Variants in UBE4B observed in about 807,000 individuals in gnomAD.
The protein encoded by UBE4B is ubiquitin conjugation factor E4 B.
UBE4B carries 27 observed loss-of-function variants against 148.1 expected under a neutral mutation model. That is an observed-to-expected ratio of 0.18 (90% CI 0.13 to 0.25). UBE4B has a LOEUF of 0.25. Among genes scored for constraint, UBE4B ranks in the 10% least tolerant of loss-of-function variants. UBE4B has a pLI of 1.00. For synonymous variants in UBE4B, 596 were observed against 619.3 expected (o/e 0.96, Z 0.56); for missense variants, 1,170 against 1,662.4 (o/e 0.70, Z 5.15).
intron 7 of UBE4B, among the ~76,000 whole-genome samples, chr1:10,110,304 A>C (rs1354278496): frequency 6.6e-6 from 1 of 152,212 alleles, no homozygotes; most frequent in African/African-American, 2.4e-5. Context: ...TTCCTTCTGT[A>C]ATGTTTTGCA....
In UBE4B at chr1:10,134,995, A is replaced by G. The variant is rs199753032; in HGVS notation, c.2033A>G (p.Asp678Gly). The G allele has an allele frequency of 6.2e-7, 1 of 1,613,996 alleles. No homozygotes were observed. Among genetic ancestry groups the G allele is most frequent in the Non-Finnish European group, 8.5e-7 (1 of 1,179,920 alleles). ...TCTTTTCAACTTTCACAGACAGATG[A>G]TAGATTGGTGTCTACAGATGGATTT... ...NMKKAQMQTD[D>G]RLVSTDGFML... The change falls in exon 16 of 28, where the codon GAT becomes GGT. Residue 678 changes from aspartate (D) to glycine (G), a missense_variant. Physicochemically the swap from Asp to Gly is moderately conservative, Grantham distance 94. This residue lies in a region of UBE4B where 388 missense variants were observed against 536.0 expected (regional missense o/e 0.72). Coordinates refer to ENST00000343090, the MANE Select transcript of UBE4B (RefSeq NM_001105562.3).
intron 2 of UBE4B, among the ~76,000 whole-genome samples, chr1:10,084,494 C>T (rs1471999900): frequency 3.3e-5 from 5 of 152,000 alleles, no homozygotes. Context: ...CCACACAAAC[C>T]ACTCTTAGTT....
At position 10,168,401 on chromosome 1, in the gene UBE4B, C is replaced by G; in HGVS notation, c.3333+131C>G. On this transcript the variant is annotated intron_variant, in intron 24 of 27. Coordinates refer to ENST00000343090, the MANE Select transcript of UBE4B (RefSeq NM_001105562.3). This position sits in a 1 kb window ranked among gnomAD's most constrained non-coding sequence, Gnocchi z 4.9. ...GTCATCAATAAGTGAAATTCTGTGA[C>G]TGATTTTGTTCCCAGTTATGCTAAT... The G allele has an allele frequency of 7.2e-7, 1 of 1,383,984 alleles. No individual in the cohort carries two copies. Among genetic ancestry groups the G allele is most frequent in the African/African-American group, 1.5e-5 (1 of 68,892 alleles). The allele number at this position is 1,383,984 out of a possible 1,614,324, so 85.7% of individuals were successfully genotyped here.
intron 6 of UBE4B, 149 bp downstream of exon 6, chr1:10,105,893 T>A: frequency 1.0e-6 from 1 of 954,930 alleles, no homozygotes; most frequent in Non-Finnish European, 1.5e-6. Context: ...TCATTGGAAG[T>A]GGAATTCTCT....
At chr1:10,090,063 C>T (rs1644820734) in intron 2 of UBE4B, among the ~76,000 whole-genome samples, 1 of 151,230 alleles carries the variant, frequency 6.6e-6, no homozygotes, top group Non-Finnish European at 1.5e-5. Context: ...AAGGACTGTT[C>T]AGCAGTCTGG....
At chr1:10,171,881 A>T (rs1213540852) in intron 25 of UBE4B, among the ~76,000 whole-genome samples, 1 of 152,198 alleles carries the variant, frequency 6.6e-6, no homozygotes, top group African/African-American at 2.4e-5. Context: ...ACTCTGTCTC[A>T]AAATAAATAA....
intron 1 of UBE4B, among the ~76,000 whole-genome samples, chr1:10,051,298 A>G (rs1644039255): frequency 6.6e-6 from 1 of 152,158 alleles, no homozygotes; most frequent in South Asian, 2.1e-4. Flanking sequence ...TGTTCTTCAG[A>G]TTAATTGGAG....
intron 17 of UBE4B, among the ~76,000 whole-genome samples, chr1:10,141,794 C>G (rs962253821): frequency 6.6e-6 from 1 of 152,120 alleles, no homozygotes; most frequent in Non-Finnish European, 1.5e-5. Flanking sequence ...CTTCTGCTAG[C>G]AAGCAAGGCT....
chr1:10,161,644 G>A lies in UBE4B; in HGVS notation c.3198+358G>A, dbSNP rs551509025. Among the ~76,000 whole-genome samples, 3 of 152,266 alleles carry A rather than the reference G, an allele frequency of 2.0e-5. No homozygotes were observed. Among genetic ancestry groups the A allele is most frequent in the African/African-American group, 4.8e-5 (2 of 41,558 alleles). ...TGTCTGCTGGACAAGAATTTGATTT[G>A]TTCCTATGGGCTTCTCTAGGCAACT... On this transcript the variant is annotated intron_variant, in intron 23 of 27. Coordinates refer to ENST00000343090, the MANE Select transcript of UBE4B (RefSeq NM_001105562.3). This position sits in a 1 kb window ranked among gnomAD's most constrained non-coding sequence, Gnocchi z 4.1.
intron 10 of UBE4B, among the ~76,000 whole-genome samples, chr1:10,124,157 C>G (rs960058781): frequency 6.6e-6 from 1 of 151,980 alleles, no homozygotes; most frequent in South Asian, 2.1e-4. Flanking sequence ...CCTGTTTATT[C>G]TATTAATTAA....
intron 19 of UBE4B, among the ~76,000 whole-genome samples, chr1:10,148,208 C>T (rs1383670058): frequency 6.7e-6 from 1 of 148,270 alleles, no homozygotes; most frequent in African/African-American, 2.5e-5. Flanking sequence ...GCCTGGGTGA[C>T]GAGCAAGACT....
intron 1 of UBE4B, among the ~76,000 whole-genome samples, chr1:10,062,232 T>C (rs1276657513): frequency 6.6e-6 from 1 of 152,134 alleles, no homozygotes; most frequent in Non-Finnish European, 1.5e-5. Context: ...ATCATTTTGC[T>C]TGTGTCCTAA....
chr1:10,052,149 C>A (rs1284484295), intron 1 of UBE4B, among the ~76,000 whole-genome samples: 1 of 151,940 alleles, frequency 6.6e-6, no homozygotes, highest in African/African-American at 2.4e-5. Flanking sequence ...TCACTGCAAC[C>A]TCCGCCTCCT....
chr1:10,169,954 G>T (rs1008216862), intron 24 of UBE4B, among the ~76,000 whole-genome samples: 2 of 152,142 alleles, frequency 1.3e-5, no homozygotes, highest in Non-Finnish European at 1.5e-5. Flanking sequence ...GGCAGAGGTC[G>T]CAGTGAGCCG....
intron 7 of UBE4B, among the ~76,000 whole-genome samples, chr1:10,111,273 G>C (rs74500145): frequency 1.0e-3 from 156 of 151,848 alleles, no homozygotes; most frequent in African/African-American, 3.5e-3. Context: ...ATGCACATAC[G>C]TGCCCCATTC....
Position 10,135,735 on chromosome 1 carries a change from C to CAAA in UBE4B, c.2224+563_2224+565dup, listed in dbSNP as rs33967541. On this transcript the variant is annotated intron_variant, in intron 16 of 27. Coordinates refer to ENST00000343090, the MANE Select transcript of UBE4B (RefSeq NM_001105562.3). The stretch of plus-strand genomic sequence containing the variant: ...TGGGCAACAGAGTGAGACTCTGTCT[C>CAAA]AAAAAAAAAAAAAAAACAGATACAA... 1.3e-3 allele frequency among the ~76,000 whole-genome samples: 144 copies of CAAA among 110,994 alleles called. 6 individuals carry two copies. The highest frequency in any genetic ancestry group is 1.8e-3 in the Non-Finnish European group (104 of 56,544). 72.8% of individuals were successfully genotyped at this position (110,994 alleles called of 152,430 possible).
intron 20 of UBE4B, among the ~76,000 whole-genome samples, chr1:10,150,201 A>T (rs1266638236): frequency 6.6e-6 from 1 of 152,154 alleles, no homozygotes; most frequent in Admixed American, 6.6e-5. Flanking sequence ...CTACACTCCA[A>T]CCTGGGCAAC....
At chr1:10,073,260 G>A (rs1644518724) in intron 2 of UBE4B, 1 of 152,186 alleles carries the variant, frequency 6.6e-6, no homozygotes, top group African/African-American at 2.4e-5. Context: ...TACCTGGAAT[G>A]CTGGAATCTG....
intron 1 of UBE4B, among the ~76,000 whole-genome samples, chr1:10,041,624 T>A (rs1208821420): frequency 6.6e-6 from 1 of 151,992 alleles, no homozygotes; most frequent in Non-Finnish European, 1.5e-5. Flanking sequence ...CGTGAACGAC[T>A]GTGCCCGGCC....
Sources: gnomAD v4.1 joint callset for allele counts (sites outside exome capture counted in the v4.1 genomes callset) on GRCh38, gnomAD v4.1.1 for gene constraint, gnomAD v4.1.1 regional missense constraint, Gnocchi (gnomAD v3.1) non-coding constraint, MANE v1.5 for transcripts, NCBI Gene and HGNC (gene_info 2026-07-23, HGNC 2026-07-21) for gene names.